CSMD1: variants seen among roughly 807,000 people sequenced by gnomAD.
CSMD1 encodes CUB and Sushi multiple domains 1.
CSMD1 carries 213 observed loss-of-function variants against 417.5 expected under a neutral mutation model. The observed-to-expected ratio is 0.51, with a 90% confidence interval of 0.46 to 0.57. The LOEUF is 0.57. CSMD1 is among the 20% of genes least tolerant of loss of function. The pLI is 0.00. For missense variants in CSMD1, 6,923 were observed against 4,529.7 expected (o/e 1.53, Z -15.17); for synonymous variants, 2,862 against 1,736.8 (o/e 1.65, Z -16.11).
At chr8:4,944,637 A>G (rs1808241556) in intron 1 of CSMD1, among the ~76,000 whole-genome samples, 1 of 152,352 alleles carries the variant, frequency 6.6e-6, no homozygotes, top group African/African-American at 2.4e-5. Context: ...GCCAACAAGC[A>G]TATGAAGAGA....
intron 4 of CSMD1, among the ~76,000 whole-genome samples, chr8:4,016,879 T>G (rs539554939): frequency 1.3e-3 from 192 of 152,290 alleles, no homozygotes; most frequent in Non-Finnish European, 1.8e-3. Flanking sequence ...TTGGGTATGG[T>G]TCACAATCCT....
At chr8:3,759,683 C>G (rs1341332288) in intron 5 of CSMD1, among the ~76,000 whole-genome samples, 1 of 146,514 alleles carries the variant, frequency 6.8e-6, no homozygotes, top group Non-Finnish European at 1.5e-5. Flanking sequence ...CACCTGAGGT[C>G]AGGAGTTCGA....
intron 5 of CSMD1, among the ~76,000 whole-genome samples, chr8:3,824,828 G>C (rs1158549725): frequency 6.6e-6 from 1 of 151,926 alleles, no homozygotes; most frequent in Non-Finnish European, 1.5e-5. Flanking sequence ...ATTGAAAAAA[G>C]GATTTCAATA....
At chr8:4,687,859 ACACTC>A (rs1284041402) in intron 1 of CSMD1, among the ~76,000 whole-genome samples, 3 of 151,310 alleles carry the variant, frequency 2.0e-5, no homozygotes, top group Non-Finnish European at 4.4e-5. Flanking sequence ...ACACACACAC[ACACTC>A]ATCTCCTGCA....
intron 2 of CSMD1, among the ~76,000 whole-genome samples, chr8:4,572,123 G>A (rs1798922450): frequency 6.6e-6 from 1 of 152,146 alleles, no homozygotes; most frequent in Non-Finnish European, 1.5e-5. Context: ...TAAATTTAAG[G>A]TTAATATTGT....
At chr8:3,248,576 C>G (rs1300093458) in intron 26 of CSMD1, among the ~76,000 whole-genome samples, 1 of 145,958 alleles carries the variant, frequency 6.9e-6, no homozygotes, top group African/African-American at 2.5e-5. Context: ...GTCGCCCAGC[C>G]TGGAGTACAG....
chr8:4,324,334 C>T (rs550062199), intron 3 of CSMD1, among the ~76,000 whole-genome samples: 18 of 152,282 alleles, frequency 1.2e-4, no homozygotes, highest in South Asian at 2.1e-4. Flanking sequence ...AATCAATACT[C>T]GGAAGGTCCT....
chr8:2,984,253 G>C (rs1036130336), intron 54 of CSMD1, among the ~76,000 whole-genome samples: 8 of 152,194 alleles, frequency 5.3e-5, no homozygotes, highest in Non-Finnish European at 1.0e-4. Flanking sequence ...CTCAACAGCA[G>C]TGACTGGGAG....
rs1305293187 is a variant in CSMD1 at position 3,143,519 on chromosome 8, T to G, written c.6032-845A>C. Among the ~76,000 whole-genome samples, 10 of 152,362 alleles carry G rather than the reference T, an allele frequency of 6.6e-5. No individual in the cohort carries two copies. The East Asian group carries it at 1.9e-3, about 29-fold the overall frequency. ...ACAATAAAAATAATTGAGAGTTATTTGCATTGTGGCATTTTTTTTGAAAAC... is the reference window on the plus strand; with the variant it reads ...ACAATAAAAATAATTGAGAGTTATTGGCATTGTGGCATTTTTTTTGAAAAC... On this transcript the variant is annotated intron_variant, in intron 40 of 69. Transcript: ENST00000635120.
At chr8:4,702,694 C>T (rs1807654713) in intron 1 of CSMD1, among the ~76,000 whole-genome samples, 1 of 152,106 alleles carries the variant, frequency 6.6e-6, no homozygotes, top group South Asian at 2.1e-4. Flanking sequence ...AACCGTATTT[C>T]TATTGCTAAG....
intron 5 of CSMD1, among the ~76,000 whole-genome samples, chr8:3,899,503 C>T (rs1807586184): frequency 6.6e-6 from 1 of 152,082 alleles, no homozygotes; most frequent in Non-Finnish European, 1.5e-5. Context: ...TGGAAGGACC[C>T]TCATTTTGGA....
chr8:3,451,748 A>T (rs548352218), intron 12 of CSMD1, among the ~76,000 whole-genome samples: 1 of 152,134 alleles, frequency 6.6e-6, no homozygotes, highest in African/African-American at 2.4e-5. Context: ...GTCAGGTAGC[A>T]TGACGCCTCC....
intron 2 of CSMD1, among the ~76,000 whole-genome samples, chr8:4,432,776 G>A (rs891183982): frequency 6.6e-6 from 1 of 152,106 alleles, no homozygotes; most frequent in East Asian, 1.9e-4. Flanking sequence ...AATATATGAA[G>A]CCAAGCAGTA....
At chr8:3,711,328 G>T (rs1316147869) in intron 6 of CSMD1, among the ~76,000 whole-genome samples, 3 of 152,148 alleles carry the variant, frequency 2.0e-5, no homozygotes, top group African/African-American at 7.2e-5. Flanking sequence ...AGACGAGGAG[G>T]TGGGCCACCC....
At chr8:3,806,038 C>T (rs1359080771) in intron 5 of CSMD1, among the ~76,000 whole-genome samples, 1 of 152,172 alleles carries the variant, frequency 6.6e-6, no homozygotes, top group East Asian at 1.9e-4. Flanking sequence ...TGCACATTAA[C>T]TTCTTCAATG....
intron 17 of CSMD1, among the ~76,000 whole-genome samples, chr8:3,394,212 G>C (rs897375312): frequency 1.0e-3 from 146 of 146,070 alleles, no homozygotes; most frequent in African/African-American, 3.5e-3. Context: ...TATAAAAATA[G>C]TTGTCAGGAT....
At chr8:3,595,657 G>C (rs758008638) in intron 8 of CSMD1, among the ~76,000 whole-genome samples, 9 of 152,290 alleles carry the variant, frequency 5.9e-5, no homozygotes, top group South Asian at 4.1e-4. Context: ...GCTGTGACTA[G>C]CTCTCAGAAG....
intron 21 of CSMD1, among the ~76,000 whole-genome samples, chr8:3,358,104 A>G (rs1218350847): frequency 2.0e-5 from 3 of 152,200 alleles, no homozygotes; most frequent in Non-Finnish European, 2.9e-5. Context: ...TATGCTAAAC[A>G]AGTTATGCTA....
chr8:3,321,766 T>C (rs1275846369), intron 23 of CSMD1, among the ~76,000 whole-genome samples: 1 of 152,226 alleles, frequency 6.6e-6, no homozygotes, highest in Non-Finnish European at 1.5e-5. Context: ...AAACACAAAG[T>C]TAACTGTATT....
Sources: gnomAD v4.1 joint callset for allele counts (sites outside exome capture counted in the v4.1 genomes callset) on GRCh38, gnomAD v4.1.1 for gene constraint, MANE v1.5 for transcripts, NCBI Gene and HGNC (gene_info 2026-07-23, HGNC 2026-07-21) for gene names.